Variants in DNAH11 observed in about 807,000 individuals in gnomAD.
The protein encoded by DNAH11 is dynein axonemal heavy chain 11.
Under a neutral mutation model 526.0 loss-of-function variants are expected in DNAH11, and 442 were observed. The observed-to-expected ratio is 0.84, with a 90% confidence interval of 0.78 to 0.91. The LOEUF is 0.91. Among genes scored for constraint, DNAH11 ranks in the 40% least tolerant of loss-of-function variants. DNAH11 has a pLI of 0.00. For missense variants in DNAH11, 6,989 were observed against 5,448.7 expected (o/e 1.28, Z -8.90); for synonymous variants, 2,461 against 1,935.9 (o/e 1.27, Z -7.12).
At chr7:21,878,766 A>G (rs960997544) in intron 74 of DNAH11, among the ~76,000 whole-genome samples, 11 of 152,226 alleles carry the variant, frequency 7.2e-5, no homozygotes, top group African/African-American at 9.6e-5. Flanking sequence ...TGACCCACAG[A>G]GAACAAATCT....
chr7:21,901,484 A>T lies in DNAH11; in HGVS notation c.*230A>T. On this transcript the variant is annotated 3_prime_UTR_variant, in exon 82 of 82. Transcript: ENST00000409508. ...CAGTTACTCAGGAGGTAGGAGAATC[A>T]CTTGAACCTAGGAGGCAAAGGTTGC... 1 of 447,528 alleles carries T rather than the reference A, an allele frequency of 2.2e-6. No homozygotes were observed. Among genetic ancestry groups the T allele is most frequent in the South Asian group, 7.9e-5 (1 of 12,626 alleles). The allele number at this position is 447,528 out of a possible 1,614,324, so 27.7% of individuals were successfully genotyped here.
intron 76 of DNAH11, among the ~76,000 whole-genome samples, chr7:21,890,129 G>C (rs1008983389): frequency 1.3e-5 from 2 of 152,194 alleles, no homozygotes; most frequent in African/African-American, 4.8e-5. Context: ...ACAACCATTA[G>C]GTTGCTGTTA....
chr7:21,845,254 T>C (rs1782375541), intron 66 of DNAH11, among the ~76,000 whole-genome samples: 1 of 152,210 alleles, frequency 6.6e-6, no homozygotes, highest in African/African-American at 2.4e-5. Context: ...TATTTTTTCT[T>C]GCTTGTTTTT....
At chr7:21,817,887 A>G (rs1789872024) in intron 64 of DNAH11, among the ~76,000 whole-genome samples, 1 of 152,228 alleles carries the variant, frequency 6.6e-6, no homozygotes, top group African/African-American at 2.4e-5. Context: ...TACTTAAAAA[A>G]GAGCCATCAA....
chr7:21,712,319 G>A (rs557132407), intron 42 of DNAH11, among the ~76,000 whole-genome samples: 6 of 152,244 alleles, frequency 3.9e-5, no homozygotes, highest in African/African-American at 1.4e-4. Context: ...TTTGGCTATT[G>A]TGAACAATGC....
chr7:21,880,299 G>C (rs1044270817), intron 74 of DNAH11, among the ~76,000 whole-genome samples: 2 of 152,176 alleles, frequency 1.3e-5, no homozygotes, highest in Admixed American at 6.5e-5. Context: ...AGAATGGATA[G>C]TTGTGGTTAA....
At chr7:21,745,914 A>G (rs1449715536) in intron 51 of DNAH11, among the ~76,000 whole-genome samples, 1 of 152,226 alleles carries the variant, frequency 6.6e-6, no homozygotes, top group East Asian at 1.9e-4. Context: ...GACAGAGAGC[A>G]GATTGCATCT....
At chr7:21,656,709 G>GT (rs1782029962) in intron 29 of DNAH11, among the ~76,000 whole-genome samples, 1 of 152,090 alleles carries the variant, frequency 6.6e-6, no homozygotes, top group Non-Finnish European at 1.5e-5. Context: ...AACCATTTGG[G>GT]TTGGGGCAGG....
At chr7:21,663,374 A>G (rs1175149437) in intron 30 of DNAH11, among the ~76,000 whole-genome samples, 2 of 152,070 alleles carry the variant, frequency 1.3e-5, no homozygotes, top group East Asian at 1.9e-4. Context: ...TGCTGGTTCT[A>G]TTATTAGTTC....
At chr7:21,778,064 A>G (rs532904503) in intron 56 of DNAH11, among the ~76,000 whole-genome samples, 1 of 152,310 alleles carries the variant, frequency 6.6e-6, no homozygotes, top group East Asian at 1.9e-4. Flanking sequence ...CTGCTTTCAG[A>G]TATTTCTGAG....
chr7:21,708,936 G>A (rs749902670), intron 40 of DNAH11, among the ~76,000 whole-genome samples: 1 of 152,178 alleles, frequency 6.6e-6, no homozygotes, highest in Non-Finnish European at 1.5e-5. Flanking sequence ...AAAGTCAAAT[G>A]ATGATGGTGA....
At chr7:21,894,583 G>GA in intron 77 of DNAH11, 40 bp from the exon 78 acceptor site, 1 of 1,597,654 alleles carries the variant, frequency 6.3e-7, no homozygotes, top group Admixed American at 1.7e-5. Context: ...GACGAAAACT[G>GA]AAATAGAAAG....
At chr7:21,800,469 T>C (rs535055475) in intron 61 of DNAH11, among the ~76,000 whole-genome samples, 94 of 152,098 alleles carry the variant, frequency 6.2e-4, no homozygotes, top group African/African-American at 2.1e-3. Context: ...TCATCTCCAC[T>C]AAATCTACAA....
chr7:21,801,615 C>G (rs1006322923), intron 62 of DNAH11, among the ~76,000 whole-genome samples: 6 of 152,172 alleles, frequency 3.9e-5, no homozygotes, highest in African/African-American at 1.4e-4. Flanking sequence ...TCTACTTTCT[C>G]TCTTCCTTTC....
intron 79 of DNAH11, among the ~76,000 whole-genome samples, chr7:21,897,780 C>T (rs1784576518): frequency 6.6e-6 from 1 of 152,078 alleles, no homozygotes. Context: ...CCATGCCCGG[C>T]CAACTTTGTT....
At chr7:21,643,319 G>A (rs1393900827) in intron 28 of DNAH11, among the ~76,000 whole-genome samples, 1 of 152,116 alleles carries the variant, frequency 6.6e-6, no homozygotes, top group Non-Finnish European at 1.5e-5. Flanking sequence ...ACAACTTTGG[G>A]CAATCAAGGT....
rs2128054063 is a variant in DNAH11 at position 21,901,575 on chromosome 7, AAAAAAGTACATCAT to A, written c.*326_*339del. ...CAGAACAAGACTCCATCTCAAAAAA[AAAAAAGTACATCAT>A]AAAAGTACATCATATGTGAACATGC... On this transcript the variant is annotated 3_prime_UTR_variant, in exon 82 of 82. Transcript: ENST00000409508. 5.3e-6 allele frequency: 1 copy of A among 188,424 alleles called. No individual in the cohort carries two copies. Among genetic ancestry groups the A allele is most frequent in the Non-Finnish European group, 1.1e-5 (1 of 92,204 alleles). 11.7% of individuals were successfully genotyped at this position (188,424 alleles called of 1,614,324 possible).
chr7:21,560,463 G>A (rs1783408526), intron 4 of DNAH11, among the ~76,000 whole-genome samples: 1 of 152,146 alleles, frequency 6.6e-6, no homozygotes, highest in Non-Finnish European at 1.5e-5. Context: ...CTCAAAAGTA[G>A]TGAAGCCAAC....
chr7:21,793,860 C>T (rs948238658), intron 61 of DNAH11, among the ~76,000 whole-genome samples: 1 of 152,150 alleles, frequency 6.6e-6, no homozygotes, highest in African/African-American at 2.4e-5. Flanking sequence ...AACAAGCTTT[C>T]TACATCTTGC....
Sources: allele counts gnomAD v4.1 joint callset (sites outside exome capture counted in the v4.1 genomes callset), GRCh38; gene constraint gnomAD v4.1.1; transcripts MANE v1.5; gene names NCBI Gene and HGNC (gene_info 2026-07-23, HGNC 2026-07-21).